OPCML: variants seen among roughly 807,000 people sequenced by gnomAD.
OPCML encodes opioid binding protein/cell adhesion molecule like.
In OPCML, 13 loss-of-function variants were observed where a neutral mutation model predicts 37.8. The ratio of observed to expected loss-of-function variants is 0.34; its 90% CI spans 0.22 to 0.55. OPCML has a LOEUF of 0.55. Ranked by LOEUF, OPCML falls within the 20% of genes least tolerant of loss-of-function variation. OPCML has a pLI of 0.91. For synonymous variants in OPCML, 176 were observed against 168.8 expected (o/e 1.04, Z -0.33); for missense variants, 341 against 435.6 (o/e 0.78, Z 1.93).
chr11:132,993,516 C>G (rs1019453972), intron 1 of OPCML, among the ~76,000 whole-genome samples: 24 of 152,182 alleles, frequency 1.6e-4, no homozygotes, highest in African/African-American at 5.8e-4. Flanking sequence ...GTGGCTGACC[C>G]TCCATGAATG....
At chr11:132,502,337 C>T (rs769624874) in intron 4 of OPCML, among the ~76,000 whole-genome samples, 1 of 152,094 alleles carries the variant, frequency 6.6e-6, no homozygotes, top group Non-Finnish European at 1.5e-5. Flanking sequence ...ATTTATCAGG[C>T]TCTCCCTTCT....
At chr11:133,328,725 C>G (rs1373273085) in intron 1 of OPCML, among the ~76,000 whole-genome samples, 1 of 152,140 alleles carries the variant, frequency 6.6e-6, no homozygotes, top group Non-Finnish European at 1.5e-5. Context: ...CAGCCAATAT[C>G]ATACTGAATG....
intron 1 of OPCML, among the ~76,000 whole-genome samples, chr11:133,323,311 T>C (rs989031699): frequency 1.3e-5 from 2 of 152,218 alleles, no homozygotes; most frequent in African/African-American, 4.8e-5. Flanking sequence ...CCACTTGTGT[T>C]CTGTTCAATT....
chr11:133,046,623 T>A (rs989223779), intron 1 of OPCML, among the ~76,000 whole-genome samples: 3 of 152,142 alleles, frequency 2.0e-5, no homozygotes, highest in African/African-American at 7.2e-5. Context: ...CCCACATTCC[T>A]CCCTGCATAG....
chr11:133,088,472 C>A (rs189348304), intron 1 of OPCML, among the ~76,000 whole-genome samples: 1 of 152,294 alleles, frequency 6.6e-6, no homozygotes, highest in African/African-American at 2.4e-5. Flanking sequence ...GTGACAGTCC[C>A]AGTGGACACT....
At chr11:133,478,230 T>C (rs1188993949) in intron 1 of OPCML, among the ~76,000 whole-genome samples, 1 of 152,210 alleles carries the variant, frequency 6.6e-6, no homozygotes, top group Non-Finnish European at 1.5e-5. Context: ...CAGCCTCTGT[T>C]GTGGCCTCCT....
At chr11:132,552,298 G>T (rs1479475901) in intron 3 of OPCML, among the ~76,000 whole-genome samples, 1 of 152,184 alleles carries the variant, frequency 6.6e-6, no homozygotes, top group Non-Finnish European at 1.5e-5. Context: ...CATTACATGA[G>T]ACCTCTCCCC....
At chr11:132,570,755 GTATATA>G (rs71477765) in intron 3 of OPCML, among the ~76,000 whole-genome samples, 1,551 of 30,096 alleles carry the variant, frequency 0.052, 63 homozygotes, top group African/African-American at 0.06. Context: ...AGGAAAGAGA[GTATATA>G]TATATATATA....
At chr11:133,123,513 G>A (rs1174847903) in intron 1 of OPCML, among the ~76,000 whole-genome samples, 1 of 152,126 alleles carries the variant, frequency 6.6e-6, no homozygotes, top group Non-Finnish European at 1.5e-5. Flanking sequence ...TGAGCCAAGG[G>A]CAGCACGCCT....
chr11:132,938,997 G>T (rs1302443274), intron 2 of OPCML, among the ~76,000 whole-genome samples: 1 of 152,194 alleles, frequency 6.6e-6, no homozygotes, highest in African/African-American at 2.4e-5. Flanking sequence ...AACCAGGTTA[G>T]TGCCACCACT....
chr11:132,635,055 T>C (rs1192877910), intron 3 of OPCML, among the ~76,000 whole-genome samples: 2 of 152,180 alleles, frequency 1.3e-5, no homozygotes, highest in Non-Finnish European at 2.9e-5. Flanking sequence ...AAATCCAATA[T>C]CATTTTTAAC....
At chr11:132,888,177 T>C (rs1037801667) in intron 2 of OPCML, among the ~76,000 whole-genome samples, 14 of 152,160 alleles carry the variant, frequency 9.2e-5, no homozygotes, top group African/African-American at 2.9e-4. Flanking sequence ...TGGTTTGACG[T>C]TCAGTTCCCT....
At chr11:132,714,358 C>T (rs75264158) in intron 2 of OPCML, among the ~76,000 whole-genome samples, 39 of 152,130 alleles carry the variant, frequency 2.6e-4, no homozygotes, top group East Asian at 7.7e-4. Context: ...GAAAGGTGGT[C>T]GGCCTGTAAA....
At chr11:132,574,037 GTTC>G (rs1020737997) in intron 3 of OPCML, among the ~76,000 whole-genome samples, 10 of 151,674 alleles carry the variant, frequency 6.6e-5, no homozygotes, top group Non-Finnish European at 1.5e-4. Context: ...AGTCTTTCAT[GTTC>G]TTTTTTATTT....
intron 1 of OPCML, among the ~76,000 whole-genome samples, chr11:133,166,048 TTCAC>T (rs1382589522): frequency 6.6e-6 from 1 of 152,158 alleles, no homozygotes; most frequent in African/African-American, 2.4e-5. Context: ...TATTCACCCA[TTCAC>T]TCACTCACTG....
At chr11:133,256,217 G>T (rs1592145115) in intron 1 of OPCML, among the ~76,000 whole-genome samples, 1 of 152,310 alleles carries the variant, frequency 6.6e-6, no homozygotes, top group East Asian at 1.9e-4. Context: ...GTGAAGAAGG[G>T]CAAGGATTGA....
intron 1 of OPCML, among the ~76,000 whole-genome samples, chr11:133,329,386 A>C (rs1048058102): frequency 4.6e-5 from 7 of 152,208 alleles, no homozygotes; most frequent in Non-Finnish European, 1.0e-4. Flanking sequence ...GTCAATCCTA[A>C]GCCAAAAGAA....
At chr11:133,266,261 A>G (rs891314110) in intron 1 of OPCML, among the ~76,000 whole-genome samples, 7 of 152,112 alleles carry the variant, frequency 4.6e-5, no homozygotes, top group Admixed American at 3.9e-4. Flanking sequence ...GGCTCCATCC[A>G]GAAGGAACTT....
intron 3 of OPCML, among the ~76,000 whole-genome samples, chr11:132,602,899 T>C (rs1938017827): frequency 6.6e-6 from 1 of 152,240 alleles, no homozygotes; most frequent in African/African-American, 2.4e-5. Context: ...AGTGCTCAGG[T>C]CACGGACAGT....
Sources: allele counts gnomAD v4.1 joint callset (sites outside exome capture counted in the v4.1 genomes callset), GRCh38; gene constraint gnomAD v4.1.1; transcripts MANE v1.5; gene names NCBI Gene and HGNC (gene_info 2026-07-23, HGNC 2026-07-21).